The following NOS1AP variants were observed in gnomAD, a reference collection of about 807,000 sequenced individuals.
The protein encoded by NOS1AP is nitric oxide synthase 1 adaptor protein.
NOS1AP carries 21 observed loss-of-function variants against 56.2 expected under a neutral mutation model. That is an observed-to-expected ratio of 0.37 (90% CI 0.26 to 0.54). NOS1AP has a LOEUF of 0.54. Ranked by LOEUF, NOS1AP falls within the 20% of genes least tolerant of loss-of-function variation. NOS1AP has a pLI of 0.84. For synonymous variants in NOS1AP, 270 were observed against 274.6 expected, an observed-to-expected ratio of 0.98 and a Z score of 0.17; for missense variants, 522 against 657.8, an observed-to-expected ratio of 0.79 and a Z score of 2.26.
intron 4 of NOS1AP, among the ~76,000 whole-genome samples, chr1:162,324,094 G>A (rs1656503659): frequency 6.6e-6 from 1 of 152,220 alleles, no homozygotes; most frequent in African/African-American, 2.4e-5. Context: ...CCTAATATTT[G>A]TGGTGTGTTC....
intron 1 of NOS1AP, among the ~76,000 whole-genome samples, chr1:162,105,995 A>G (rs935156639): frequency 1.3e-5 from 2 of 152,140 alleles, no homozygotes; most frequent in African/African-American, 4.8e-5. Context: ...CTTGCCATGG[A>G]TGCCGGGGCC....
At chr1:162,359,389 C>T (rs997449766) in intron 8 of NOS1AP, among the ~76,000 whole-genome samples, 2 of 152,170 alleles carry the variant, frequency 1.3e-5, no homozygotes, top group Non-Finnish European at 2.9e-5. Flanking sequence ...GTCTGCCATG[C>T]CCATCTGTCT....
At chr1:162,243,157 C>G (rs908965229) in intron 2 of NOS1AP, among the ~76,000 whole-genome samples, 2 of 152,112 alleles carry the variant, frequency 1.3e-5, no homozygotes, top group Non-Finnish European at 2.9e-5. Flanking sequence ...TCTGCATTGA[C>G]TTTAATTCAG....
At chr1:162,168,741 C>A (rs1456890359) in intron 2 of NOS1AP, among the ~76,000 whole-genome samples, 2 of 144,406 alleles carry the variant, frequency 1.4e-5, no homozygotes, top group African/African-American at 4.9e-5. Context: ...TTTCTTTCTC[C>A]TTTGAAAAAC....
At chr1:162,268,438 C>T (rs1255181158) in intron 2 of NOS1AP, among the ~76,000 whole-genome samples, 1 of 152,086 alleles carries the variant, frequency 6.6e-6, no homozygotes, top group African/African-American at 2.4e-5. Flanking sequence ...CAGTTTGCTT[C>T]CTGATCACTT....
chr1:162,240,455 G>A (rs138575963), intron 2 of NOS1AP, among the ~76,000 whole-genome samples: 2,073 of 152,286 alleles, frequency 0.014, 27 homozygotes, highest in South Asian at 0.023. Context: ...CCCCAGAATA[G>A]CACTTTGCCT....
rs1275730334 is a variant in NOS1AP, at chr1:162,257,889, G to A, written c.178-29455G>A. Among the ~76,000 whole-genome samples the A allele has an allele frequency of 4.6e-5, 7 of 152,104 alleles. No homozygotes were observed. In the South Asian group the frequency reaches 6.2e-4, roughly 14 times the overall value. On this transcript the variant is annotated intron_variant, in intron 2 of 9. Transcript: ENST00000361897. ...CAGATTTTCTCTACTGGCTCTAGAC[G>A]CATCTCTTTTCTATCCATATTTCAG...
At chr1:162,085,557 C>T (rs1691984417) in intron 1 of NOS1AP, among the ~76,000 whole-genome samples, 1 of 152,154 alleles carries the variant, frequency 6.6e-6, no homozygotes, top group African/African-American at 2.4e-5. Context: ...ACTTTCCTCC[C>T]CTGGGTTTGT....
intron 1 of NOS1AP, among the ~76,000 whole-genome samples, chr1:162,081,736 ATC>A (rs1223184525): frequency 8.3e-5 from 8 of 96,674 alleles, no homozygotes; most frequent in Admixed American, 4.9e-4. Context: ...ATATCTATAT[ATC>A]TATATCTATA....
chr1:162,267,959 A>G (rs1654476402), intron 2 of NOS1AP, among the ~76,000 whole-genome samples: 1 of 152,082 alleles, frequency 6.6e-6, no homozygotes, highest in Admixed American at 6.6e-5. Context: ...GTGAGGTGCC[A>G]TGATTAAAAA....
intron 1 of NOS1AP, among the ~76,000 whole-genome samples, chr1:162,088,207 C>T (rs74127552): frequency 0.029 from 4,365 of 152,146 alleles, 185 homozygotes; most frequent in African/African-American, 0.1. Context: ...GCTTAAAAGC[C>T]GGCATTGTTG....
chr1:162,186,394 GA>G (rs918941765), intron 2 of NOS1AP, among the ~76,000 whole-genome samples: 1 of 146,620 alleles, frequency 6.8e-6, no homozygotes, highest in Non-Finnish European at 1.5e-5. Context: ...AAAAGATGAA[GA>G]AAAAAAACAA....
At chr1:162,186,666 G>A (rs1476152319) in intron 2 of NOS1AP, among the ~76,000 whole-genome samples, 1 of 152,166 alleles carries the variant, frequency 6.6e-6, no homozygotes, top group African/African-American at 2.4e-5. Flanking sequence ...TCACTCTCTT[G>A]GCTGTGTGAG....
chr1:162,138,260 A>G (rs976543927), intron 1 of NOS1AP, among the ~76,000 whole-genome samples: 14 of 152,150 alleles, frequency 9.2e-5, no homozygotes, highest in Non-Finnish European at 1.9e-4. Flanking sequence ...AGGAGACTGC[A>G]GTTAGTCTAA....
chr1:162,367,499 G>T lies in NOS1AP; in HGVS notation c.*32G>T. On this transcript the variant is annotated 3_prime_UTR_variant, in exon 10 of 10. Transcript: ENST00000361897. The surrounding 1 kb of genome is among the most constrained non-coding windows in gnomAD (Gnocchi z 6.5). ...AGGGCGAGGAGATGGAGGCGGCGGC[G>T]TGGCTGGAGGGGCCGTGTCTGGCTG... is the stretch of plus-strand genomic sequence containing the variant. The T allele has an allele frequency of 1.3e-6, 2 of 1,522,264 alleles. No homozygotes were observed. The highest frequency in any genetic ancestry group is 1.8e-6 in the Non-Finnish European group (2 of 1,134,126). 94.3% of individuals were successfully genotyped at this position (1,522,264 alleles called of 1,614,324 possible).
chr1:162,278,644 G>T, intron 2 of NOS1AP, among the ~76,000 whole-genome samples: 1 of 149,504 alleles, frequency 6.7e-6, no homozygotes, highest in Non-Finnish European at 1.5e-5. Flanking sequence ...CTAAATACTA[G>T]GAAACGTTTA....
chr1:162,131,328 C>T (rs760873681), intron 1 of NOS1AP, among the ~76,000 whole-genome samples: 14 of 151,588 alleles, frequency 9.2e-5, no homozygotes, highest in Non-Finnish European at 1.9e-4. Context: ...TATTCTTGGC[C>T]CACATACCTC....
At chr1:162,285,140 C>T (rs1655049261) in intron 2 of NOS1AP, among the ~76,000 whole-genome samples, 1 of 152,126 alleles carries the variant, frequency 6.6e-6, no homozygotes, top group Non-Finnish European at 1.5e-5. Flanking sequence ...AGGTTTTGCC[C>T]TCTTCTGGGT....
At chr1:162,288,622 C>T (rs150785715) in intron 3 of NOS1AP, among the ~76,000 whole-genome samples, 1 of 152,266 alleles carries the variant, frequency 6.6e-6, no homozygotes, top group East Asian at 1.9e-4. Context: ...TGAGGCAGCC[C>T]CTTTCCTCTC....
Sources: allele counts gnomAD v4.1 joint callset (sites outside exome capture counted in the v4.1 genomes callset), GRCh38; gene constraint gnomAD v4.1.1; non-coding constraint Gnocchi (gnomAD v3.1); transcripts MANE v1.5; gene names NCBI Gene and HGNC (gene_info 2026-07-23, HGNC 2026-07-21).